The following AFG2A variants were observed in gnomAD, a reference collection of about 807,000 sequenced individuals.
AFG2A encodes the protein AAA ATPase AFG2A.
chr4:123,274,596 A>T, the AFG2A span, among the ~76,000 whole-genome samples: 36 of 125,488 alleles, frequency 2.9e-4, 1 homozygote, highest in South Asian at 4.5e-4. Flanking sequence ...GCACATAATT[A>T]AAAAAAAAAA....
At chr4:123,075,696 G>A in the AFG2A span, among the ~76,000 whole-genome samples, 26 of 150,802 alleles carry the variant, frequency 1.7e-4, no homozygotes, top group East Asian at 1.8e-3. Flanking sequence ...GGTGGCTCAC[G>A]CCTGTAATCC....
At chr4:123,215,288 G>A in the AFG2A span, among the ~76,000 whole-genome samples, 49 of 152,046 alleles carry the variant, frequency 3.2e-4, no homozygotes, top group Middle Eastern at 3.4e-3. Context: ...CCCTAATCAG[G>A]CCCTCAAGTT....
chr4:123,262,480 C>T, the AFG2A span, among the ~76,000 whole-genome samples: 1 of 152,210 alleles, frequency 6.6e-6, no homozygotes, highest in Admixed American at 6.5e-5. Flanking sequence ...ACTCCACGAT[C>T]TCCTAATGCC....
the AFG2A span, among the ~76,000 whole-genome samples, chr4:123,030,362 A>G: frequency 2.6e-5 from 4 of 152,212 alleles, no homozygotes; most frequent in African/African-American, 7.2e-5. Context: ...TTTTTTGAAC[A>G]TAAACATTTC....
At chr4:123,094,297 G>A in the AFG2A span, among the ~76,000 whole-genome samples, 6 of 152,052 alleles carry the variant, frequency 3.9e-5, no homozygotes, top group African/African-American at 1.2e-4. Flanking sequence ...TCCAAGAGCC[G>A]GGGTGGCATA....
At chr4:123,265,741 A>C in the AFG2A span, among the ~76,000 whole-genome samples, 1 of 152,092 alleles carries the variant, frequency 6.6e-6, no homozygotes, top group Non-Finnish European at 1.5e-5. Flanking sequence ...CCAGTGAACA[A>C]GTTAGTCAGG....
the AFG2A span, chr4:122,934,269 C>T: frequency 6.2e-7 from 1 of 1,614,020 alleles, no homozygotes; most frequent in Non-Finnish European, 8.5e-7. Context: ...GCATGGAAAC[C>T]AGTAGCCTGG....
chr4:123,173,005 GA>G, the AFG2A span, among the ~76,000 whole-genome samples: 2 of 152,112 alleles, frequency 1.3e-5, no homozygotes. Context: ...TAAAAATGTA[GA>G]AAACTTAAAT....
the AFG2A span, among the ~76,000 whole-genome samples, chr4:123,025,504 A>G: frequency 6.6e-6 from 1 of 152,194 alleles, no homozygotes; most frequent in Non-Finnish European, 1.5e-5. Flanking sequence ...TGACCGCTCC[A>G]TCTTATAGTT....
At chr4:123,186,750 A>T in the AFG2A span, among the ~76,000 whole-genome samples, 1 of 152,156 alleles carries the variant, frequency 6.6e-6, no homozygotes, top group Admixed American at 6.6e-5. Flanking sequence ...AATATATATG[A>T]GGTTGGTGGT....
At chr4:123,065,762 G>A in the AFG2A span, among the ~76,000 whole-genome samples, 63 of 152,152 alleles carry the variant, frequency 4.1e-4, no homozygotes, top group African/African-American at 1.5e-3. Flanking sequence ...AGAAAATGGT[G>A]CTGAGAAATC....
the AFG2A span, among the ~76,000 whole-genome samples, chr4:123,115,836 A>G: frequency 6.6e-6 from 1 of 152,204 alleles, no homozygotes; most frequent in Non-Finnish European, 1.5e-5. Flanking sequence ...TTGAGAAGAA[A>G]AACATGGATG....
chr4:123,082,523 C>CTTTTTTTTTTTTTTTT, the AFG2A span, among the ~76,000 whole-genome samples: 1 of 141,262 alleles, frequency 7.1e-6, no homozygotes. Flanking sequence ...TCTCTTTTTT[C>CTTTTTTTTTTTTTTTT]TTTTTTTTTT....
At chr4:123,039,587 C>T in the AFG2A span, among the ~76,000 whole-genome samples, 4 of 151,886 alleles carry the variant, frequency 2.6e-5, no homozygotes, top group African/African-American at 9.7e-5. Context: ...ATGAAAAGTA[C>T]TAGTTTTGTT....
the AFG2A span, among the ~76,000 whole-genome samples, chr4:123,302,526 T>C: frequency 2.6e-5 from 4 of 152,210 alleles, no homozygotes; most frequent in East Asian, 1.9e-4. Context: ...ATTTTTTTTT[T>C]CTAAGGCAAA....
At chr4:123,078,144 C>G in the AFG2A span, among the ~76,000 whole-genome samples, 1 of 147,274 alleles carries the variant, frequency 6.8e-6, no homozygotes, top group Non-Finnish European at 1.5e-5. Context: ...CTAGATTGTT[C>G]CTGTTTTTTT....
chr4:123,227,164 C>T, the AFG2A span, among the ~76,000 whole-genome samples: 4 of 152,090 alleles, frequency 2.6e-5, no homozygotes, highest in African/African-American at 9.7e-5. Flanking sequence ...AAAACCAGCT[C>T]CTGGATTCAT....
chr4:122,973,524 A>C, the AFG2A span, among the ~76,000 whole-genome samples: 2 of 146,680 alleles, frequency 1.4e-5, no homozygotes, highest in Non-Finnish European at 3.0e-5. Flanking sequence ...TCCTCTTCCC[A>C]TTGTCTTTTT....
the AFG2A span, among the ~76,000 whole-genome samples, chr4:123,305,743 A>G: frequency 2.0e-5 from 3 of 152,004 alleles, no homozygotes; most frequent in Non-Finnish European, 4.4e-5. Context: ...GTTGGTTTTA[A>G]TTTTCACAAT....
Sources: gnomAD v4.1 joint callset for allele counts (sites outside exome capture counted in the v4.1 genomes callset) on GRCh38, gnomAD v4.1.1 for gene constraint, MANE v1.5 for transcripts, NCBI Gene and HGNC (gene_info 2026-07-23, HGNC 2026-07-21) for gene names.